Variants in DENND1A observed in about 807,000 individuals in gnomAD.
DENND1A encodes the protein DENN domain containing 1A.
DENND1A carries 51 observed loss-of-function variants against 113.7 expected under a neutral mutation model. The ratio of observed to expected loss-of-function variants is 0.45; its 90% confidence interval spans 0.36 to 0.57. DENND1A has a LOEUF of 0.57. DENND1A is among the 20% of genes least tolerant of loss of function. The probability of loss-of-function intolerance (pLI) is 0.00; values close to 1 mark genes in which losing one functional copy is unlikely to be tolerated. For missense variants in DENND1A, 1,258 were observed against 1,395.9 expected, an observed-to-expected ratio of 0.90 and a Z score of 1.57; for synonymous variants, 565 against 570.8, an observed-to-expected ratio of 0.99 and a Z score of 0.14.
At chr9:123,565,340 C>T (rs959666402) in intron 12 of DENND1A, among the ~76,000 whole-genome samples, 3 of 152,216 alleles carry the variant, frequency 2.0e-5, no homozygotes, top group African/African-American at 7.2e-5. Context: ...AGGGAGGAAC[C>T]ATGTCCACCC....
At chr9:123,414,190 C>G (rs10986013) in intron 19 of DENND1A, 71,224 of 1,053,056 alleles carry the variant, frequency 0.068, 2,635 homozygotes, top group East Asian at 0.17. Flanking sequence ...CCATTCCAAG[C>G]CTTACTGTCC....
chr9:123,449,656 T>TG (rs2047563158), intron 18 of DENND1A, among the ~76,000 whole-genome samples: 1 of 152,184 alleles, frequency 6.6e-6, no homozygotes, highest in African/African-American at 2.4e-5. Flanking sequence ...AAATTCAATC[T>TG]GGGGGCATAA....
intron 5 of DENND1A, among the ~76,000 whole-genome samples, chr9:123,749,954 G>A (rs768548039): frequency 1.6e-4 from 24 of 152,322 alleles, no homozygotes; most frequent in Admixed American, 6.5e-5. Context: ...AAGTCTTAGA[G>A]TTACAAATAC....
chr9:123,652,047 C>A lies in DENND1A; in HGVS notation c.584G>T (p.Arg195Leu). 1 of 1,614,042 alleles carries A rather than the reference C, an allele frequency of 6.2e-7. No homozygotes were observed. The highest frequency in any genetic ancestry group is 1.1e-5 in the South Asian group (1 of 91,074). Reference protein sequence around the residue: ...LHLYASMLYERRILIICSKLS... With the variant: ...LHLYASMLYELRILIICSKLS... ...TTTGCTGCAAATGATGAGTATCCGG[C>A]GTTCGTACAGCATACTGGCGTACAG... The change falls in exon 9 of 24, where the codon CGC becomes CTC. Residue 195 changes from arginine to leucine, a missense_variant. Arg to Leu is a moderately radical substitution (Grantham distance 102). Transcript: ENST00000394215.
At position 123,382,058 on chromosome 9, in the gene DENND1A, G is replaced by C. The variant is rs1281259862; in HGVS notation, c.2587C>G (p.Pro863Ala). ...AWSGSTLPSR[P>A]ATPNVATPFT... The stretch of plus-strand genomic sequence containing the variant: ...GGGGTGGCTACATTCGGGGTGGCGG[G>C]GCGTGACGGGAGGGTGCTGCCTGAC... Residue 863 changes from proline to alanine, a missense_variant, in exon 24 of 24, where the codon CCC (proline) becomes GCC (alanine). By Grantham distance (27) the Pro-to-Ala change is conservative. This residue lies in a region of DENND1A where 1,159 missense variants were observed against 1,231.7 expected (regional missense o/e 0.94). Coordinates refer to ENST00000394215, the MANE Select transcript of DENND1A (RefSeq NM_001352964.2). The C allele has an allele frequency of 1.3e-6, 2 of 1,504,636 alleles. No homozygotes were observed. Among genetic ancestry groups the C allele is most frequent in the Non-Finnish European group, 1.8e-6 (2 of 1,128,558 alleles). The allele number at this position is 1,504,636 out of a possible 1,614,324, so 93.2% of individuals were successfully genotyped here. A position where few individuals can be genotyped will look rare whatever the true frequency, so the allele number is the denominator to read the frequency against.
At chr9:123,478,855 A>G (rs2050120811) in intron 13 of DENND1A, among the ~76,000 whole-genome samples, 1 of 152,246 alleles carries the variant, frequency 6.6e-6, no homozygotes, top group Non-Finnish European at 1.5e-5. Flanking sequence ...TGCGAGTGGT[A>G]GCTGACTGTG....
At position 123,677,502 on chromosome 9, in the gene DENND1A, C is replaced by T. The variant is rs188595874; in HGVS notation, c.303-713G>A. Among the ~76,000 whole-genome samples, 422 of 152,262 alleles carry T rather than the reference C, an allele frequency of 2.8e-3. 1 individual carries two copies. Among genetic ancestry groups the T allele is most frequent in the Non-Finnish European group, 4.8e-3 (326 of 68,010 alleles). The stretch of plus-strand genomic sequence containing the variant: ...AGGCCGGAGTGCAGTGGCATGATCT[C>T]GGCTCACTGCAACCCCTGCCTCCCT... On this transcript the variant is annotated intron_variant, in intron 5 of 23. Transcript: ENST00000394215.
chr9:123,535,195 A>G lies in DENND1A; in HGVS notation c.993+22375T>C, dbSNP rs187924176. On this transcript the variant is annotated intron_variant, in intron 13 of 23. Transcript: ENST00000394215. ...CCCTACAGCCCTTTTCCCACACAAC[A>G]GCCAAAATAAGTGTCGTAAAACTTA... Among the ~76,000 whole-genome samples, 456 of 152,286 alleles carry G rather than the reference A, an allele frequency of 3.0e-3. 2 individuals carry two copies. The highest frequency in any genetic ancestry group is 0.011 in the African/African-American group (437 of 41,562).
chr9:123,583,592 G>A (rs1343985494), intron 11 of DENND1A, among the ~76,000 whole-genome samples: 1 of 152,150 alleles, frequency 6.6e-6, no homozygotes, highest in Non-Finnish European at 1.5e-5. Context: ...ATATTTAACA[G>A]ACGCTGAGGT....
intron 20 of DENND1A, among the ~76,000 whole-genome samples, chr9:123,409,989 G>A (rs2044178892): frequency 6.6e-6 from 1 of 152,182 alleles, no homozygotes; most frequent in African/African-American, 2.4e-5. Flanking sequence ...CTACTCAGGA[G>A]GCTGAGGCAG....
intron 13 of DENND1A, among the ~76,000 whole-genome samples, chr9:123,459,342 G>C (rs528510823): frequency 1.3e-5 from 2 of 152,282 alleles, no homozygotes; most frequent in East Asian, 3.9e-4. Context: ...CTAGGCCACT[G>C]GCTGTGGGAC....
chr9:123,656,382 G>C (rs192523928), intron 8 of DENND1A, among the ~76,000 whole-genome samples: 3 of 152,262 alleles, frequency 2.0e-5, no homozygotes, highest in Admixed American at 2.0e-4. Flanking sequence ...ACAGGAGGCA[G>C]GACAGTCAAC....
chr9:123,388,541 T>C (rs987101197), intron 21 of DENND1A, among the ~76,000 whole-genome samples: 5 of 152,236 alleles, frequency 3.3e-5, no homozygotes, highest in East Asian at 1.9e-4. Flanking sequence ...AAGGCCCTTT[T>C]CTGATTAGCG....
At chr9:123,532,337 C>A (rs1313712296) in intron 13 of DENND1A, among the ~76,000 whole-genome samples, 1 of 152,216 alleles carries the variant, frequency 6.6e-6, no homozygotes. Flanking sequence ...CACCAACTGT[C>A]CCAATAATGA....
intron 1 of DENND1A, among the ~76,000 whole-genome samples, chr9:123,884,845 C>A (rs1258039747): frequency 6.6e-6 from 1 of 152,134 alleles, no homozygotes; most frequent in African/African-American, 2.4e-5. Flanking sequence ...AAGACAATAA[C>A]CACTTCACTA....
At chr9:123,867,095 C>T (rs1845893160) in intron 2 of DENND1A, among the ~76,000 whole-genome samples, 1 of 152,124 alleles carries the variant, frequency 6.6e-6, no homozygotes, top group Admixed American at 6.6e-5. Flanking sequence ...GCAAAGCAAG[C>T]TCACAGTGAT....
chr9:123,682,227 A>G (rs1213210289), intron 5 of DENND1A, among the ~76,000 whole-genome samples: 1 of 152,234 alleles, frequency 6.6e-6, no homozygotes, highest in African/African-American at 2.4e-5. Context: ...AGAAATAAAA[A>G]TAAAAGTAAT....
At chr9:123,848,291 C>T (rs1280554752) in intron 2 of DENND1A, among the ~76,000 whole-genome samples, 1 of 132,228 alleles carries the variant, frequency 7.6e-6, no homozygotes, top group Non-Finnish European at 1.6e-5. Context: ...CTGGATAGAG[C>T]AAGTCATTTC....
At chr9:123,802,292 G>A (rs1281886568) in intron 2 of DENND1A, among the ~76,000 whole-genome samples, 1 of 152,056 alleles carries the variant, frequency 6.6e-6, no homozygotes, top group Non-Finnish European at 1.5e-5. Flanking sequence ...GATGGCCTCT[G>A]TTCATTAGAG....
Sources: gnomAD v4.1 joint callset for allele counts (sites outside exome capture counted in the v4.1 genomes callset) on GRCh38, gnomAD v4.1.1 for gene constraint, gnomAD v4.1.1 regional missense constraint, MANE v1.5 for transcripts, NCBI Gene and HGNC (gene_info 2026-07-23, HGNC 2026-07-21) for gene names.